The following GALNT17 variants were observed in gnomAD, a reference collection of about 807,000 sequenced individuals.
The protein encoded by GALNT17 is polypeptide N-acetylgalactosaminyltransferase 17.
A neutral mutation model predicts 63.7 loss-of-function variants in GALNT17; 29 were observed. The observed-to-expected ratio is 0.46, with a 90% CI of 0.34 to 0.62. The LOEUF (loss-of-function observed/expected upper bound fraction) is 0.62, where lower values mean the gene tolerates loss of function less well. Ranked by LOEUF, GALNT17 falls within the 20% of genes least tolerant of loss-of-function variation. The probability of loss-of-function intolerance (pLI) is 0.01; values close to 1 mark genes in which losing one functional copy is unlikely to be tolerated. For synonymous variants in GALNT17, 305 were observed against 318.3 expected (o/e 0.96, Z 0.45); for missense variants, 603 against 799.6 (o/e 0.75, Z 2.97).
intron 5 of GALNT17, among the ~76,000 whole-genome samples, chr7:71,483,036 G>A (rs1034297341): frequency 6.6e-6 from 1 of 152,180 alleles, no homozygotes; most frequent in African/African-American, 2.4e-5. Flanking sequence ...GTGCAGCCTG[G>A]TTCCTGAAAG....
intron 1 of GALNT17, among the ~76,000 whole-genome samples, chr7:71,171,393 G>A (rs773693316): frequency 6.6e-6 from 1 of 152,146 alleles, no homozygotes; most frequent in Non-Finnish European, 1.5e-5. Flanking sequence ...AGCTGTTACT[G>A]GGGACGATGA....
At chr7:71,143,447 C>T (rs1403328003) in intron 1 of GALNT17, among the ~76,000 whole-genome samples, 2 of 151,458 alleles carry the variant, frequency 1.3e-5, no homozygotes, top group African/African-American at 4.9e-5. Flanking sequence ...AATGGATGCC[C>T]TTGAGAGGTG....
At chr7:71,193,228 A>T in intron 1 of GALNT17, among the ~76,000 whole-genome samples, 1 of 152,070 alleles carries the variant, frequency 6.6e-6, no homozygotes, top group Non-Finnish European at 1.5e-5. Flanking sequence ...CCTCCTGAGC[A>T]TCTGGGACTA....
chr7:71,270,503 C>T (rs866625572), intron 1 of GALNT17, among the ~76,000 whole-genome samples: 1 of 131,174 alleles, frequency 7.6e-6, no homozygotes, highest in South Asian at 2.3e-4. Context: ...CCAGCCTGGG[C>T]GACAGTGCGA....
At chr7:71,254,823 A>G (rs190711241) in intron 1 of GALNT17, among the ~76,000 whole-genome samples, 10 of 152,362 alleles carry the variant, frequency 6.6e-5, no homozygotes, top group African/African-American at 2.4e-4. Flanking sequence ...AGCTGAAAAC[A>G]GGAATCTGAA....
intron 1 of GALNT17, among the ~76,000 whole-genome samples, chr7:71,280,947 T>G (rs1790768323): frequency 6.6e-6 from 1 of 151,886 alleles, no homozygotes; most frequent in African/African-American, 2.4e-5. Context: ...TTGGTTTCCA[T>G]GAGGAGGAGA....
chr7:71,298,553 C>T (rs1372730451), intron 1 of GALNT17, among the ~76,000 whole-genome samples: 3 of 152,118 alleles, frequency 2.0e-5, no homozygotes, highest in African/African-American at 7.2e-5. Flanking sequence ...AGAAAGAAGC[C>T]AGACCTGAGC....
chr7:71,250,406 T>C (rs1790175815), intron 1 of GALNT17, among the ~76,000 whole-genome samples: 1 of 152,158 alleles, frequency 6.6e-6, no homozygotes, highest in African/African-American at 2.4e-5. Flanking sequence ...CACTGCCTAT[T>C]TTACTAAAGG....
At chr7:71,334,344 G>A (rs1014869433) in intron 1 of GALNT17, among the ~76,000 whole-genome samples, 7 of 152,112 alleles carry the variant, frequency 4.6e-5, no homozygotes, top group African/African-American at 1.4e-4. Flanking sequence ...CCTTCTGGGC[G>A]CTTCCGGCTG....
chr7:71,379,289 G>A (rs765645742), intron 2 of GALNT17, among the ~76,000 whole-genome samples: 3 of 152,122 alleles, frequency 2.0e-5, no homozygotes, highest in Non-Finnish European at 4.4e-5. Flanking sequence ...GAAAGGGCAG[G>A]GAGAGGCGAT....
At chr7:71,173,117 G>A (rs571931437) in intron 1 of GALNT17, among the ~76,000 whole-genome samples, 89 of 152,298 alleles carry the variant, frequency 5.8e-4, no homozygotes, top group African/African-American at 2.0e-3. Context: ...GCTGCTGGAC[G>A]CTGGCCCTGG....
intron 1 of GALNT17, among the ~76,000 whole-genome samples, chr7:71,199,672 CCCATCCATCCATCCAT>C (rs59064900): frequency 8.1e-5 from 10 of 124,004 alleles, no homozygotes; most frequent in Admixed American, 3.3e-4. Context: ...CATCCTTCCA[CCCATCCATCCATCCAT>C]CCATCCATCC....
chr7:71,359,390 A>G (rs759353414), intron 2 of GALNT17, among the ~76,000 whole-genome samples: 5 of 152,000 alleles, frequency 3.3e-5, no homozygotes, highest in Non-Finnish European at 7.4e-5. Context: ...CTTTTCAACA[A>G]TTAGCTCCCA....
chr7:71,271,051 A>T (rs1180152974), intron 1 of GALNT17, among the ~76,000 whole-genome samples: 1 of 152,214 alleles, frequency 6.6e-6, no homozygotes, highest in Admixed American at 6.5e-5. Flanking sequence ...TAATTGTTTC[A>T]TACGGGATAG....
At position 71,611,667 on chromosome 7, in the gene GALNT17, A is replaced by AT. The variant is rs548040727; in HGVS notation, c.1080+40266dup. Among the ~76,000 whole-genome samples the AT allele has an allele frequency of 1.5e-3, 234 of 152,244 alleles. 1 individual carries two copies. The highest frequency in any genetic ancestry group is 5.4e-3 in the African/African-American group (226 of 41,548). On this transcript the variant is annotated intron_variant, in intron 6 of 10. Transcript: ENST00000333538. ...ACATCCAAAAAAAACACGCACTTGCATGGTGGCATGCACACATTAAACTCC... is the reference window on the plus strand; with the variant it reads ...ACATCCAAAAAAAACACGCACTTGCATTGGTGGCATGCACACATTAAACTCC...
At chr7:71,549,526 C>T (rs1045007646) in intron 5 of GALNT17, among the ~76,000 whole-genome samples, 4 of 152,192 alleles carry the variant, frequency 2.6e-5, no homozygotes, top group Middle Eastern at 3.4e-3. Flanking sequence ...CAGTGAGCTA[C>T]GATCATGCCA....
At chr7:71,578,688 C>A (rs1271946624) in intron 6 of GALNT17, among the ~76,000 whole-genome samples, 1 of 152,122 alleles carries the variant, frequency 6.6e-6, no homozygotes, top group African/African-American at 2.4e-5. Flanking sequence ...GCCCCAGGAA[C>A]CTGAATGAAA....
At chr7:71,179,641 A>G (rs951890286) in intron 1 of GALNT17, among the ~76,000 whole-genome samples, 1 of 151,600 alleles carries the variant, frequency 6.6e-6, no homozygotes, top group Non-Finnish European at 1.5e-5. Flanking sequence ...CATGGATTTC[A>G]TACACAGATT....
chr7:71,267,399 G>A (rs531072389), intron 1 of GALNT17, among the ~76,000 whole-genome samples: 1 of 149,764 alleles, frequency 6.7e-6, no homozygotes, highest in Non-Finnish European at 1.5e-5. Context: ...AGGAGGATAT[G>A]TGGTTTTTAA....
Sources: gnomAD v4.1 joint callset for allele counts (sites outside exome capture counted in the v4.1 genomes callset) on GRCh38, gnomAD v4.1.1 for gene constraint, MANE v1.5 for transcripts, NCBI Gene and HGNC (gene_info 2026-07-23, HGNC 2026-07-21) for gene names.